LINGO2: variants seen among roughly 807,000 people sequenced by gnomAD.
LINGO2 encodes the protein leucine rich repeat and Ig domain containing 2, also known as leucine-rich repeat and immunoglobulin-like domain-containing nogo receptor-interacting protein 2.
LINGO2 carries 14 observed loss-of-function variants against 30.6 expected under a neutral mutation model. That is an observed-to-expected ratio of 0.46 (90% confidence interval 0.30 to 0.72). The LOEUF (loss-of-function observed/expected upper bound fraction) is 0.72, where lower values mean the gene tolerates loss of function less well. Among genes scored for constraint, LINGO2 ranks in the 30% least tolerant of loss-of-function variants. The pLI is 0.07. For missense variants in LINGO2, 729 were observed against 751.7 expected (o/e 0.97, Z 0.35); for synonymous variants, 317 against 288.5 (o/e 1.10, Z -1.00).
At chr9:28,321,394 C>T (rs1825036539) in intron 3 of LINGO2, among the ~76,000 whole-genome samples, 1 of 152,082 alleles carries the variant, frequency 6.6e-6, no homozygotes, top group South Asian at 2.1e-4. Context: ...AAAAGACATG[C>T]AAAAGCCAGT....
intron 4 of LINGO2, chr9:28,149,113 G>T: frequency 1.3e-6 from 2 of 1,520,458 alleles, no homozygotes; most frequent in Non-Finnish European, 1.8e-6. Context: ...GACGCCTCCA[G>T]CAGGGCAACA....
the LINGO2 span, among the ~76,000 whole-genome samples, chr9:28,777,117 C>T: frequency 1.3e-5 from 2 of 152,118 alleles, no homozygotes; most frequent in Non-Finnish European, 2.9e-5. Flanking sequence ...TTTCCTGAGG[C>T]CTCCCAATCA....
chr9:28,957,015 T>C, the LINGO2 span, among the ~76,000 whole-genome samples: 4 of 152,034 alleles, frequency 2.6e-5, no homozygotes, highest in Admixed American at 6.6e-5. Context: ...TCTATGATTC[T>C]AAGCAGGACT....
chr9:28,938,211 T>C, the LINGO2 span, among the ~76,000 whole-genome samples: 1 of 152,214 alleles, frequency 6.6e-6, no homozygotes, highest in African/African-American at 2.4e-5. Flanking sequence ...GTCACCCATT[T>C]ATTATTCCTG....
At chr9:28,561,541 C>A (rs1462213437) in intron 1 of LINGO2, among the ~76,000 whole-genome samples, 1 of 134,432 alleles carries the variant, frequency 7.4e-6, no homozygotes, top group Non-Finnish European at 1.5e-5. Context: ...GCTACTTATA[C>A]ATCAGTAATT....
chr9:28,320,869 C>T (rs376585516), intron 3 of LINGO2, among the ~76,000 whole-genome samples: 7 of 152,230 alleles, frequency 4.6e-5, no homozygotes, highest in African/African-American at 1.2e-4. Context: ...TGGCAGGACA[C>T]TGAAACTCGG....
the LINGO2 span, chr9:27,941,609 C>T: frequency 1.3e-5 from 2 of 152,456 alleles, no homozygotes; most frequent in South Asian, 2.1e-4. Flanking sequence ...TCTACCTCCT[C>T]CTCCTTCACT....
intron 5 of LINGO2, among the ~76,000 whole-genome samples, chr9:27,996,059 G>A (rs575585627): frequency 2.6e-5 from 4 of 152,096 alleles, no homozygotes; most frequent in South Asian, 4.2e-4. Flanking sequence ...TTACTCATCT[G>A]GGAAATACAA....
chr9:28,452,884 T>C (rs1041464248), intron 2 of LINGO2, among the ~76,000 whole-genome samples: 1 of 151,846 alleles, frequency 6.6e-6, no homozygotes, highest in Admixed American at 6.6e-5. Flanking sequence ...ACTGAAAGAA[T>C]AGGCACGAGA....
chr9:28,314,270 T>C (rs1476888944), intron 3 of LINGO2, among the ~76,000 whole-genome samples: 1 of 152,154 alleles, frequency 6.6e-6, no homozygotes, highest in Non-Finnish European at 1.5e-5. Flanking sequence ...TCCTATAACA[T>C]GATTGTGGCA....
intron 1 of LINGO2, among the ~76,000 whole-genome samples, chr9:28,652,459 A>G (rs1463502855): frequency 6.6e-6 from 1 of 152,122 alleles, no homozygotes; most frequent in Non-Finnish European, 1.5e-5. Flanking sequence ...GGTCCTCCTG[A>G]AACTCATAAA....
At chr9:28,676,360 TA>T in the LINGO2 span, among the ~76,000 whole-genome samples, 4 of 152,066 alleles carry the variant, frequency 2.6e-5, no homozygotes, top group Non-Finnish European at 5.9e-5. Flanking sequence ...TGCTTAATAT[TA>T]AAAACAAACA....
At chr9:28,134,001 C>T (rs1827445741) in intron 4 of LINGO2, among the ~76,000 whole-genome samples, 1 of 152,154 alleles carries the variant, frequency 6.6e-6, no homozygotes, top group Non-Finnish European at 1.5e-5. Context: ...CTACCCTATT[C>T]TCCAAATCTA....
chr9:28,338,910 T>A lies in LINGO2; in HGVS notation c.-246+33926A>T, dbSNP rs1929817. Among the ~76,000 whole-genome samples the A allele has an allele frequency of 7.7e-3, 1,176 of 151,968 alleles. 24 individuals carry two copies. The highest frequency in any genetic ancestry group is 0.026 in the African/African-American group (1,072 of 41,442). On this transcript the variant is annotated intron_variant, in intron 3 of 5. Coordinates refer to ENST00000379992, the Ensembl canonical transcript of LINGO2. The stretch of plus-strand genomic sequence containing the variant: ...AACAAATGAATACACCACCCCCTCA[T>A]CCACTAACATACAAAGCAAAATTAA...
chr9:29,137,058 A>G, the LINGO2 span, among the ~76,000 whole-genome samples: 1 of 152,128 alleles, frequency 6.6e-6, no homozygotes, highest in Non-Finnish European at 1.5e-5. Flanking sequence ...CAAAAAATAC[A>G]TGCCAAACCC....
chr9:28,046,581 T>C (rs931420303), intron 4 of LINGO2, among the ~76,000 whole-genome samples: 1 of 152,280 alleles, frequency 6.6e-6, no homozygotes, highest in Middle Eastern at 3.4e-3. Context: ...GCAAAGTCAG[T>C]TTTACTGTTG....
At chr9:29,151,409 A>G in the LINGO2 span, among the ~76,000 whole-genome samples, 94 of 152,344 alleles carry the variant, frequency 6.2e-4, no homozygotes, top group African/African-American at 2.3e-3. Flanking sequence ...ATCAATACTA[A>G]AACTGAATGT....
At chr9:28,631,567 G>C (rs1264762742) in intron 1 of LINGO2, among the ~76,000 whole-genome samples, 5 of 152,090 alleles carry the variant, frequency 3.3e-5, no homozygotes, top group African/African-American at 7.2e-5. Flanking sequence ...TGTGGTATTA[G>C]AGAAACCTAT....
the LINGO2 span, among the ~76,000 whole-genome samples, chr9:28,726,965 A>C: frequency 4.8e-4 from 73 of 152,172 alleles, no homozygotes; most frequent in African/African-American, 1.7e-3. Flanking sequence ...AAATATATTG[A>C]TGGGAGATTG....
Sources: gnomAD v4.1 joint callset for allele counts (sites outside exome capture counted in the v4.1 genomes callset) on GRCh38, gnomAD v4.1.1 for gene constraint, MANE v1.5 for transcripts, NCBI Gene and HGNC (gene_info 2026-07-23, HGNC 2026-07-21) for gene names.